Variants in CNIH4 observed in about 807,000 individuals in gnomAD.
CNIH4 encodes the protein cornichon family member 4, also known as protein cornichon homolog 4.
CNIH4 carries 9 observed loss-of-function variants against 21.5 expected under a neutral mutation model. That is an observed-to-expected ratio of 0.42 (90% CI 0.25 to 0.73). The LOEUF (loss-of-function observed/expected upper bound fraction) is 0.73, where lower values mean the gene tolerates loss of function less well. CNIH4 is among the 30% of genes least tolerant of loss of function. The pLI is 0.27. For synonymous variants in CNIH4, 67 were observed against 59.1 expected, an observed-to-expected ratio of 1.13 and a Z score of -0.61; for missense variants, 159 against 170.0, an observed-to-expected ratio of 0.94 and a Z score of 0.36.
intron 1 of CNIH4, among the ~76,000 whole-genome samples, chr1:224,358,851 C>T (rs1672191436): frequency 6.6e-6 from 1 of 152,062 alleles, no homozygotes; most frequent in Non-Finnish European, 1.5e-5. Context: ...AAAATACATT[C>T]GGGGGGTGTT....
rs182702979 is a variant in CNIH4, at chr1:224,379,273, G to A, written c.*3451G>A. The A allele has an allele frequency of 1.7e-3, 1,037 of 616,692 alleles. 5 individuals are homozygous for A. Among genetic ancestry groups the A allele is most frequent in the South Asian group, 1.9e-3 (99 of 52,718 alleles). The allele number at this position is 616,692 out of a possible 1,614,324, so 38.2% of individuals were successfully genotyped here. A position where few individuals can be genotyped will look rare whatever the true frequency, so the allele number is the denominator to read the frequency against. ...GCTTCCTATAGTAGTATCTCCCATG[G>A]CACTTACCACATTCTATCTGGTATT... On this transcript the variant is annotated 3_prime_UTR_variant, in exon 5 of 5. Transcript: ENST00000465271.
At chr1:224,365,069 C>T (rs1672412052) in intron 2 of CNIH4, among the ~76,000 whole-genome samples, 1 of 152,152 alleles carries the variant, frequency 6.6e-6, no homozygotes, top group African/African-American at 2.4e-5. Flanking sequence ...TATTGCTCTG[C>T]CATTATTTAG....
intron 2 of CNIH4, chr1:224,364,013 G>A (rs900055444): frequency 8.1e-6 from 8 of 982,494 alleles, no homozygotes; most frequent in Non-Finnish European, 9.7e-6. Flanking sequence ...AGGGCATATC[G>A]TTAAGGAGGG....
chr1:224,359,605 C>T (rs544564362), intron 1 of CNIH4, among the ~76,000 whole-genome samples: 1 of 152,282 alleles, frequency 6.6e-6, no homozygotes, highest in African/African-American at 2.4e-5. Flanking sequence ...CAGAGTCTCA[C>T]TGTCACCCAG....
At chr1:224,357,566 C>A (rs919803450) in intron 1 of CNIH4, 1 of 152,328 alleles carries the variant, frequency 6.6e-6, no homozygotes, top group Non-Finnish European at 1.5e-5. Context: ...GGAGTTGACT[C>A]ATTCGCCAAA....
rs71170014 is a variant in CNIH4, at chr1:224,361,115, T to TG, written c.138+552_138+553insG. Among the ~76,000 whole-genome samples the TG allele has an allele frequency of 7.2e-3, 644 of 89,070 alleles. 4 individuals carry two copies. Among genetic ancestry groups the TG allele is most frequent in the African/African-American group, 0.025 (603 of 24,550 alleles). 58.4% of individuals were successfully genotyped at this position (89,070 alleles called of 152,430 possible). A position where few individuals can be genotyped will look rare whatever the true frequency, so the allele number is the denominator to read the frequency against. On this transcript the variant is annotated intron_variant, in intron 2 of 4. Transcript: ENST00000465271. ...GGCGCATGCCACCATGCCTGGCTAA[T>TG]TTTTTTTTTTTTTTTTTTGAGATGG...
In CNIH4 at chr1:224,360,367, A is replaced by G. The variant is rs905529949; in HGVS notation, c.70-128A>G. 25 of 480,960 alleles carry G rather than the reference A, an allele frequency of 5.2e-5. No homozygotes were observed. In the Admixed American group the frequency reaches 6.7e-4, roughly 13 times the overall value. The allele number at this position is 480,960 out of a possible 1,614,324, so 29.8% of individuals were successfully genotyped here. A position where few individuals can be genotyped will look rare whatever the true frequency, so the allele number is the denominator to read the frequency against. The stretch of plus-strand genomic sequence containing the variant: ...GGAAAATTGAGTTGTCTAATGAGCA[A>G]ACTTTAGGAAACAACTCATTTTTTT... On this transcript the variant is annotated intron_variant, in intron 1 of 4. Coordinates refer to ENST00000465271, the MANE Select transcript of CNIH4 (RefSeq NM_014184.4).
chr1:224,371,216 TTA>T, intron 3 of CNIH4, 65 bp from the exon 4 acceptor site: 2 of 1,507,060 alleles, frequency 1.3e-6, no homozygotes, highest in South Asian at 1.2e-5. Flanking sequence ...TATTGGCTAC[TTA>T]TATTTGAATA....
intron 2 of CNIH4, among the ~76,000 whole-genome samples, chr1:224,364,720 G>A (rs1478312734): frequency 6.6e-6 from 1 of 152,138 alleles, no homozygotes; most frequent in African/African-American, 2.4e-5. Context: ...GGATCACAAG[G>A]TTGAGAGATT....
chr1:224,372,061 C>G (rs759976644), intron 4 of CNIH4, among the ~76,000 whole-genome samples: 4 of 152,192 alleles, frequency 2.6e-5, no homozygotes, highest in Non-Finnish European at 5.9e-5. Context: ...ACACCACTAG[C>G]AGCAGCTCTC....
chr1:224,366,129 C>A (rs1258589392), intron 3 of CNIH4, 138 bp downstream of exon 3: 2 of 641,846 alleles, frequency 3.1e-6, no homozygotes, highest in Admixed American at 4.5e-5. Context: ...GCAATTTCTG[C>A]CTCCTCAGTT....
chr1:224,375,025 G>A lies in CNIH4; in HGVS notation c.393-770G>A, dbSNP rs141631055. Among the ~76,000 whole-genome samples the A allele has an allele frequency of 1.2e-4, 19 of 152,276 alleles. No individual in the cohort carries two copies. The East Asian group carries it at 3.7e-3, about 29-fold the overall frequency. ...GTATTTCAAAGGAAAGGATGGTTTT[G>A]TTATTGTTAACTGTGTCAATTTTAG... On this transcript the variant is annotated intron_variant, in intron 4 of 4. Coordinates refer to ENST00000465271, the MANE Select transcript of CNIH4 (RefSeq NM_014184.4).
chr1:224,374,760 G>C (rs1672733978), intron 4 of CNIH4, among the ~76,000 whole-genome samples: 4 of 152,170 alleles, frequency 2.6e-5, no homozygotes, highest in Admixed American at 2.0e-4. Context: ...GATATTAATA[G>C]TACCTACCTC....
In CNIH4 at chr1:224,376,548, T is replaced by A. The variant is rs1385803942; in HGVS notation, c.*726T>A. The A allele has an allele frequency of 2.0e-6, 2 of 985,310 alleles. No homozygotes were observed. The highest frequency in any genetic ancestry group is 1.7e-5 in the African/African-American group (1 of 57,226). The allele number at this position is 985,310 out of a possible 1,614,324, so 61.0% of individuals were successfully genotyped here. A position where few individuals can be genotyped will look rare whatever the true frequency, so the allele number is the denominator to read the frequency against. On this transcript the variant is annotated 3_prime_UTR_variant, in exon 5 of 5. Transcript: ENST00000465271. ...TGCCAGTCTGGTTTTCGTATTGCAG[T>A]TATTCCAATTGTATTTGATCTCCCT...
chr1:224,376,640 C>T lies in CNIH4; in HGVS notation c.*818C>T. 1 of 985,422 alleles carries T rather than the reference C, an allele frequency of 1.0e-6. No individual in the cohort carries two copies. Among genetic ancestry groups the T allele is most frequent in the Non-Finnish European group, 1.2e-6 (1 of 829,936 alleles). 61.0% of individuals were successfully genotyped at this position (985,422 alleles called of 1,614,324 possible). A position where few individuals can be genotyped will look rare whatever the true frequency, so the allele number is the denominator to read the frequency against. ...GATTAGAAGCAGGAATAGTTATTTG[C>T]TGTCTGTGAAATTGAGCCTTTTGGT... On this transcript the variant is annotated 3_prime_UTR_variant, in exon 5 of 5. Transcript: ENST00000465271.
intron 2 of CNIH4, among the ~76,000 whole-genome samples, chr1:224,363,595 G>A (rs1388835778): frequency 6.6e-6 from 1 of 152,118 alleles, no homozygotes; most frequent in Non-Finnish European, 1.5e-5. Flanking sequence ...AAGTAGCTGG[G>A]ACTGCAGATG....
intron 2 of CNIH4, chr1:224,364,041 G>C (rs998478876): frequency 1.0e-6 from 1 of 985,324 alleles, no homozygotes; most frequent in Non-Finnish European, 1.2e-6. Flanking sequence ...AAAAAACAGA[G>C]GACTTGGTTG....
At chr1:224,364,073 A>G (rs1333482066) in intron 2 of CNIH4, 4 of 985,296 alleles carry the variant, frequency 4.1e-6, no homozygotes, top group African/African-American at 1.7e-5. Context: ...ACCAAGCATA[A>G]TAAGGTGAAG....
At chr1:224,366,233 G>T (rs913266653) in intron 3 of CNIH4, among the ~76,000 whole-genome samples, 4 of 152,068 alleles carry the variant, frequency 2.6e-5, no homozygotes, top group Middle Eastern at 6.8e-3. Flanking sequence ...CTAGAGACAG[G>T]GTTTCACCAT....
Sources: gnomAD v4.1 joint callset for allele counts (sites outside exome capture counted in the v4.1 genomes callset) on GRCh38, gnomAD v4.1.1 for gene constraint, MANE v1.5 for transcripts, NCBI Gene and HGNC (gene_info 2026-07-23, HGNC 2026-07-21) for gene names.